Variants in TFRC observed in about 807,000 individuals in gnomAD.
The protein encoded by TFRC is transferrin receptor.
Under a neutral mutation model 85.8 loss-of-function variants are expected in TFRC, and 35 were observed. That is an observed-to-expected ratio of 0.41 (90% confidence interval 0.31 to 0.54). TFRC has a LOEUF of 0.54. TFRC is among the 20% of genes least tolerant of loss of function. The pLI is 0.31. For synonymous variants in TFRC, 362 were observed against 328.6 expected (o/e 1.10, Z -1.10); for missense variants, 828 against 921.5 (o/e 0.90, Z 1.31).
chr3:196,064,539 A>C, intron 10 of TFRC, 111 bp from the exon 11 acceptor site: 1 of 947,166 alleles, frequency 1.1e-6, no homozygotes, highest in Non-Finnish European at 1.4e-6. Flanking sequence ...ATTAAGGATA[A>C]AAGAGCCTTA....
intron 18 of TFRC, 60 bp from the exon 19 acceptor site, chr3:196,052,244 A>C: frequency 4.6e-6 from 7 of 1,525,798 alleles, no homozygotes; most frequent in South Asian, 1.2e-5. Context: ...GTAAAACAAC[A>C]GTTCACTTCA....
chr3:196,073,296 A>C (rs931076697), intron 4 of TFRC, among the ~76,000 whole-genome samples: 6 of 151,754 alleles, frequency 4.0e-5, no homozygotes, highest in East Asian at 1.9e-4. Flanking sequence ...CTCTTAAAAA[A>C]AAAAAAAAAA....
chr3:196,058,687 G>A, intron 14 of TFRC, 55 bp from the exon 15 acceptor site: 11 of 1,294,004 alleles, frequency 8.5e-6, no homozygotes, highest in Non-Finnish European at 1.2e-5. Context: ...ATTTATTCAG[G>A]CTAGTCACTA....
chr3:196,064,520 A>AG, intron 10 of TFRC, 92 bp from the exon 11 acceptor site: 4 of 1,252,716 alleles, frequency 3.2e-6, no homozygotes, highest in Non-Finnish European at 4.3e-6. Context: ...GTAAAAGCAC[A>AG]GTATATGTAT....
Position 196,075,237 on chromosome 3 carries a change from C to T in TFRC, c.160G>A (p.Ala54Thr), listed in dbSNP as rs1718581382. ...CACCTTTTTGGTTTTGTGACATTGG[C>T]CTTTGTGTTATTGTCAGCATTTTCT... ...EEENADNNTKANVTKPKRCSG... is the reference protein window; with the variant it reads ...EEENADNNTKTNVTKPKRCSG... Residue 54 changes from alanine to threonine, a missense_variant, in exon 3 of 19, where the codon GCC becomes ACC. Physicochemically the swap from Ala to Thr is moderately conservative, Grantham distance 58. Transcript: ENST00000360110. 1 of 1,614,012 alleles carries T rather than the reference C, an allele frequency of 6.2e-7. No homozygotes were observed. Among genetic ancestry groups the T allele is most frequent in the East Asian group, 2.2e-5 (1 of 44,888 alleles).
intron 16 of TFRC, chr3:196,055,668 G>A (rs1289456854): frequency 1.0e-5 from 3 of 301,480 alleles, no homozygotes; most frequent in East Asian, 8.3e-5. Context: ...ACCTTGAGAC[G>A]AGGTCTCTCT....
At chr3:196,074,394 C>A in intron 3 of TFRC, 1 of 272,972 alleles carries the variant, frequency 3.7e-6, no homozygotes, top group East Asian at 6.5e-5. Context: ...TGCTGCACCG[C>A]CAGTGTCCTG....
chr3:196,069,645 T>C (rs1015255230), intron 6 of TFRC, 77 bp from the exon 7 acceptor site: 12 of 932,360 alleles, frequency 1.3e-5, no homozygotes, highest in Non-Finnish European at 1.6e-5. Flanking sequence ...AAGAGTGTTA[T>C]AGATCAAACC....
chr3:196,059,510 AT>A (rs1717091868), intron 14 of TFRC, among the ~76,000 whole-genome samples: 2 of 152,180 alleles, frequency 1.3e-5, no homozygotes, highest in Non-Finnish European at 2.9e-5. Flanking sequence ...TATCTCTTGG[AT>A]CAAGGCCAAT....
intron 3 of TFRC, chr3:196,074,355 A>G (rs1226093323): frequency 1.1e-5 from 4 of 356,658 alleles, no homozygotes; most frequent in Non-Finnish European, 1.5e-5. Context: ...GTTTTTTCCA[A>G]AAGACCCCCT....
intron 18 of TFRC, 116 bp from the exon 19 acceptor site, chr3:196,052,300 T>TC: frequency 1.8e-6 from 2 of 1,127,350 alleles, no homozygotes; most frequent in East Asian, 2.6e-5. Flanking sequence ...GACTTTTTTT[T>TC]TTTTTTTTTT....
intron 7 of TFRC, 86 bp downstream of exon 7, chr3:196,069,369 G>GT (rs1231873130): frequency 1.3e-6 from 1 of 782,050 alleles, no homozygotes; most frequent in African/African-American, 1.8e-5. Context: ...TTTTCAGAAT[G>GT]TAAGAATATT....
intron 2 of TFRC, among the ~76,000 whole-genome samples, chr3:196,075,890 G>GT (rs573552274): frequency 6.6e-5 from 10 of 151,566 alleles, no homozygotes; most frequent in African/African-American, 1.5e-4. Context: ...CTCTGGGGGG[G>GT]GCCGAGGCAC....
intron 18 of TFRC, among the ~76,000 whole-genome samples, chr3:196,053,075 T>C (rs1716473190): frequency 6.6e-6 from 1 of 151,782 alleles, no homozygotes. Flanking sequence ...GACCGTGCCA[T>C]TGCACTCCAG....
intron 4 of TFRC, 57 bp downstream of exon 4, chr3:196,073,873 G>A: frequency 6.5e-7 from 1 of 1,530,456 alleles, no homozygotes. Flanking sequence ...TTTCCCCGTG[G>A]CCTATCATAA....
rs567519087 is a variant in TFRC, at chr3:196,052,588, G to A, written c.2041-404C>T. ...CCTGAGCAGCTGGAATTACAGGCAT[G>A]CACCACCACGCCCAGCTAATTTTTG... On this transcript the variant is annotated intron_variant, in intron 18 of 18. Coordinates refer to ENST00000360110, the MANE Select transcript of TFRC (RefSeq NM_001128148.3). Among the ~76,000 whole-genome samples the A allele has an allele frequency of 3.9e-5, 6 of 152,094 alleles. No individual in the cohort carries two copies. In the South Asian group the frequency reaches 1.2e-3, roughly 32 times the overall value.
intron 13 of TFRC, among the ~76,000 whole-genome samples, chr3:196,061,332 CAG>C (rs1443415702): frequency 6.6e-6 from 1 of 152,148 alleles, no homozygotes; most frequent in East Asian, 1.9e-4. Context: ...CAATATAGTC[CAG>C]ACTTATGGTC....
intron 13 of TFRC, among the ~76,000 whole-genome samples, chr3:196,061,037 G>A (rs1161660289): frequency 1.3e-5 from 2 of 152,036 alleles, no homozygotes. Context: ...AACCTAGAGA[G>A]GTTTAATTGT....
chr3:196,066,055 C>T (rs1717714844), intron 9 of TFRC, among the ~76,000 whole-genome samples: 1 of 151,900 alleles, frequency 6.6e-6, no homozygotes, highest in South Asian at 2.1e-4. Context: ...AGTGGTGAAC[C>T]ATTTGCGTCT....
Sources: gnomAD v4.1 joint callset for allele counts (sites outside exome capture counted in the v4.1 genomes callset) on GRCh38, gnomAD v4.1.1 for gene constraint, MANE v1.5 for transcripts, NCBI Gene and HGNC (gene_info 2026-07-23, HGNC 2026-07-21) for gene names.